Variants in AKAP6 observed in about 807,000 individuals in gnomAD.
AKAP6 encodes A-kinase anchoring protein 6, also known as A-kinase anchor protein 6.
A neutral mutation model predicts 188.5 loss-of-function variants in AKAP6; 58 were observed. The ratio of observed to expected loss-of-function variants is 0.31; its 90% CI spans 0.25 to 0.38. The LOEUF (loss-of-function observed/expected upper bound fraction) is 0.38. Among genes scored for constraint, AKAP6 ranks in the 10% least tolerant of loss-of-function variants. The pLI, the probability that AKAP6 is intolerant of heterozygous loss-of-function variation, is 1.00. For missense variants in AKAP6, 2,710 were observed against 2,740.0 expected (o/e 0.99, Z 0.24); for synonymous variants, 989 against 998.6 (o/e 0.99, Z 0.18).
chr14:32,669,536 A>G (rs1889089668), intron 7 of AKAP6, among the ~76,000 whole-genome samples: 1 of 152,170 alleles, frequency 6.6e-6, no homozygotes. Flanking sequence ...ATCTTAGAAA[A>G]AAGCAGTGGA....
rs117282610 is a variant in AKAP6 at position 32,444,356 on chromosome 14, C to T, written c.324+10539C>T. ...TTCTTAGTTTAATTTGCTCTCGTCA[C>T]GCTCAAACTGAACTTATATGTCTCT... On this transcript the variant is annotated intron_variant, in intron 2 of 13. Coordinates refer to ENST00000280979, the MANE Select transcript of AKAP6 (RefSeq NM_004274.5). Among the ~76,000 whole-genome samples the T allele has an allele frequency of 1.4e-4, 21 of 152,278 alleles. No homozygotes were observed. In the East Asian group the frequency reaches 4.1e-3, roughly 29 times the overall value.
chr14:32,553,063 A>G (rs1883542763), intron 4 of AKAP6, among the ~76,000 whole-genome samples: 1 of 152,188 alleles, frequency 6.6e-6, no homozygotes, highest in African/African-American at 2.4e-5. Flanking sequence ...AATCTCCAGT[A>G]GGTTCCTGTC....
chr14:32,552,037 A>C (rs2139177344), intron 4 of AKAP6, among the ~76,000 whole-genome samples: 1 of 152,186 alleles, frequency 6.6e-6, no homozygotes, highest in African/African-American at 2.4e-5. Flanking sequence ...CCTCTGTTAG[A>C]ATGGGAACTC....
chr14:32,648,508 C>T (rs902335689), intron 7 of AKAP6, among the ~76,000 whole-genome samples: 2 of 152,098 alleles, frequency 1.3e-5, no homozygotes, highest in African/African-American at 2.4e-5. Context: ...CTGTCATTAT[C>T]AGCTCTGATG....
chr14:32,549,104 A>G (rs1001517953), intron 4 of AKAP6, among the ~76,000 whole-genome samples: 4 of 152,214 alleles, frequency 2.6e-5, no homozygotes, highest in African/African-American at 9.6e-5. Context: ...TATATCAAGT[A>G]TTCGTGTATC....
At chr14:32,575,761 G>T (rs1266822424) in intron 4 of AKAP6, among the ~76,000 whole-genome samples, 1 of 152,104 alleles carries the variant, frequency 6.6e-6, no homozygotes, top group Admixed American at 6.6e-5. Context: ...TTGGAAACAT[G>T]TATGAATATG....
intron 12 of AKAP6, among the ~76,000 whole-genome samples, chr14:32,793,057 C>T (rs1458029635): frequency 1.3e-5 from 2 of 152,148 alleles, no homozygotes; most frequent in African/African-American, 4.8e-5. Flanking sequence ...AAAATGTTAC[C>T]AGCCATTACA....
intron 1 of AKAP6, among the ~76,000 whole-genome samples, chr14:32,396,996 G>A (rs1362494990): frequency 6.6e-6 from 1 of 152,148 alleles, no homozygotes; most frequent in Non-Finnish European, 1.5e-5. Flanking sequence ...GGAAACTAGG[G>A]CCAGTGAAAG....
intron 13 of AKAP6, among the ~76,000 whole-genome samples, chr14:32,826,634 C>G (rs958491352): frequency 2.0e-5 from 3 of 152,170 alleles, no homozygotes; most frequent in African/African-American, 7.2e-5. Flanking sequence ...ACTGGAGAAG[C>G]CTTTGCGAAG....
At chr14:32,597,445 T>C (rs1485991759) in intron 5 of AKAP6, among the ~76,000 whole-genome samples, 1 of 152,212 alleles carries the variant, frequency 6.6e-6, no homozygotes, top group Non-Finnish European at 1.5e-5. Flanking sequence ...CACACATGTA[T>C]CTCATTCTGC....
intron 1 of AKAP6, among the ~76,000 whole-genome samples, chr14:32,419,824 C>G (rs1473901397): frequency 6.6e-6 from 1 of 151,854 alleles, no homozygotes; most frequent in Non-Finnish European, 1.5e-5. Context: ...GAAATTTTAG[C>G]ATTTTAAATT....
intron 12 of AKAP6, among the ~76,000 whole-genome samples, chr14:32,776,409 T>C (rs141448572): frequency 0.038 from 5,770 of 152,308 alleles, 152 homozygotes; most frequent in Non-Finnish European, 0.055. Context: ...CCATGTAAGA[T>C]GTGCCTTTTG....
intron 1 of AKAP6, among the ~76,000 whole-genome samples, chr14:32,350,320 G>A (rs1025886270): frequency 6.6e-6 from 1 of 152,136 alleles, no homozygotes; most frequent in South Asian, 2.1e-4. Context: ...CACCTCCATG[G>A]TATTCTTCTC....
intron 11 of AKAP6, among the ~76,000 whole-genome samples, chr14:32,758,682 G>A (rs1379846584): frequency 2.0e-5 from 3 of 152,192 alleles, no homozygotes; most frequent in East Asian, 1.9e-4. Context: ...GCCATGAGCC[G>A]AGATCGCACC....
chr14:32,467,104 C>T (rs1353423881), intron 2 of AKAP6, among the ~76,000 whole-genome samples: 3 of 150,726 alleles, frequency 2.0e-5, no homozygotes, highest in Non-Finnish European at 4.4e-5. Flanking sequence ...TTACTCTGAT[C>T]ATTACCTCGG....
At chr14:32,347,730 T>A (rs1461473549) in intron 1 of AKAP6, among the ~76,000 whole-genome samples, 1 of 152,224 alleles carries the variant, frequency 6.6e-6, no homozygotes, top group East Asian at 1.9e-4. Flanking sequence ...TCACTTCCAA[T>A]GCTGACCTCT....
In AKAP6 at chr14:32,830,015, G is replaced by C; in HGVS notation, c.*210G>C. 1 of 700,962 alleles carries C rather than the reference G, an allele frequency of 1.4e-6. No individual in the cohort carries two copies. The highest frequency in any genetic ancestry group is 2.6e-6 in the Non-Finnish European group (1 of 383,886). 43.4% of individuals were successfully genotyped at this position (700,962 alleles called of 1,614,324 possible). ...CCTTGTGATCTGAATGTGTGCGCTG[G>C]TTCTCTTTAGGTGATCGTCTTTGAA... On this transcript the variant is annotated 3_prime_UTR_variant, in exon 14 of 14. Transcript: ENST00000280979.
At chr14:32,809,347 A>G (rs1012087735) in intron 12 of AKAP6, among the ~76,000 whole-genome samples, 2 of 152,332 alleles carry the variant, frequency 1.3e-5, no homozygotes, top group Admixed American at 1.3e-4. Context: ...AGAGCTATCT[A>G]CTTCTGTTGG....
At chr14:32,657,556 G>A (rs900435969) in intron 7 of AKAP6, among the ~76,000 whole-genome samples, 9 of 152,118 alleles carry the variant, frequency 5.9e-5, no homozygotes, top group African/African-American at 1.9e-4. Flanking sequence ...AGATTTCTCT[G>A]TGTCTAAATA....
Sources: allele counts gnomAD v4.1 joint callset (sites outside exome capture counted in the v4.1 genomes callset), GRCh38; gene constraint gnomAD v4.1.1; transcripts MANE v1.5; gene names NCBI Gene and HGNC (gene_info 2026-07-23, HGNC 2026-07-21).